CACNA1A: variants seen among roughly 807,000 people sequenced by gnomAD.
The protein encoded by CACNA1A is calcium voltage-gated channel subunit alpha1 A.
In CACNA1A, 57 loss-of-function variants were observed where a neutral mutation model predicts 262.4. The observed-to-expected ratio is 0.22, with a 90% CI of 0.18 to 0.27. The LOEUF (loss-of-function observed/expected upper bound fraction) is 0.27. Ranked by LOEUF, CACNA1A falls within the 10% of genes least tolerant of loss-of-function variation. The pLI, the probability that CACNA1A is intolerant of heterozygous loss-of-function variation, is 1.00. For synonymous variants in CACNA1A, 1,431 were observed against 1,419.3 expected, an observed-to-expected ratio of 1.01 and a Z score of -0.18; for missense variants, 2,526 against 3,562.8, an observed-to-expected ratio of 0.71 and a Z score of 7.41.
intron 1 of CACNA1A, among the ~76,000 whole-genome samples, chr19:13,456,948 G>C (rs998004892): frequency 5.9e-5 from 9 of 151,890 alleles, no homozygotes; most frequent in Admixed American, 5.2e-4. Flanking sequence ...ATGCTGGTGG[G>C]AATATAAAAT....
intron 25 of CACNA1A, chr19:13,262,061 G>A (rs955403322): frequency 3.7e-5 from 6 of 162,132 alleles, no homozygotes; most frequent in African/African-American, 1.2e-4. Flanking sequence ...TTCCATAACA[G>A]TATCTGTTTT....
chr19:13,212,191 C>G lies in CACNA1A; in HGVS notation c.6215G>C (p.Arg2072Thr). ...SQSVEMREMGRDGYSDSEHYL... is the reference protein window; with the variant it reads ...SQSVEMREMGTDGYSDSEHYL... ...GTGCTCGCTGTCGGAGTAGCCATCT[C>G]TGCCCATCTCTCGCATCTCCACGGA... The change falls in exon 43 of 47, where the codon AGA becomes ACA. Residue 2072 changes from arginine (R) to threonine (T), a missense_variant. Around this residue, in one of 17 missense-constraint regions of CACNA1A, gnomAD observed 929 missense variants for 868.1 expected, o/e 1.07. Coordinates refer to ENST00000360228, the MANE Select transcript of CACNA1A (RefSeq NM_001127222.2). This position sits in a 1 kb window ranked among gnomAD's most constrained non-coding sequence, Gnocchi z 5.6. 1 of 1,613,946 alleles carries G rather than the reference C, an allele frequency of 6.2e-7. No individual in the cohort carries two copies. Among genetic ancestry groups the G allele is most frequent in the Non-Finnish European group, 8.5e-7 (1 of 1,179,828 alleles).
intron 19 of CACNA1A, among the ~76,000 whole-genome samples, chr19:13,295,035 C>G (rs750195290): frequency 1.3e-5 from 2 of 152,196 alleles, no homozygotes; most frequent in Non-Finnish European, 2.9e-5. Context: ...ACTCCCTTCT[C>G]AGATTGCTCC....
At chr19:13,229,359 T>C (rs2055585990) in intron 36 of CACNA1A, among the ~76,000 whole-genome samples, 1 of 152,096 alleles carries the variant, frequency 6.6e-6, no homozygotes, top group Non-Finnish European at 1.5e-5. Context: ...CTGAACTAAA[T>C]CCTCAGTTAG....
At chr19:13,465,842 C>T (rs901884763) in intron 1 of CACNA1A, among the ~76,000 whole-genome samples, 2 of 152,118 alleles carry the variant, frequency 1.3e-5, no homozygotes, top group South Asian at 4.2e-4. Flanking sequence ...TATTTCATTC[C>T]TTTTTAAGGC....
chr19:13,350,511 T>A (rs1320655076), intron 6 of CACNA1A, among the ~76,000 whole-genome samples: 1 of 152,214 alleles, frequency 6.6e-6, no homozygotes, highest in Non-Finnish European at 1.5e-5. Flanking sequence ...TTTTCTTCCA[T>A]GATGATTGGA....
intron 31 of CACNA1A, among the ~76,000 whole-genome samples, chr19:13,240,149 T>TAAA (rs60352550): frequency 8.3e-6 from 1 of 119,766 alleles, no homozygotes; most frequent in African/African-American, 3.1e-5. Flanking sequence ...AGACTCTGTC[T>TAAA]AAAAAAAAAA....
chr19:13,346,605 T>G (rs1328504655), intron 6 of CACNA1A, among the ~76,000 whole-genome samples: 1 of 125,762 alleles, frequency 8.0e-6, no homozygotes, highest in Non-Finnish European at 1.6e-5. Flanking sequence ...TTAAGGAAAA[T>G]TTTTAATTGA....
intron 26 of CACNA1A, chr19:13,260,333 T>TACATATATATATATATATA (rs201167508): frequency 1.7e-4 from 8 of 47,864 alleles, no homozygotes; most frequent in Non-Finnish European, 3.7e-4. Context: ...TATATATATA[T>TACATATATATATATATATA]TTTTGTTGTT....
At chr19:13,281,804 G>T (rs981667291) in intron 22 of CACNA1A, among the ~76,000 whole-genome samples, 1 of 152,236 alleles carries the variant, frequency 6.6e-6, no homozygotes, top group Admixed American at 6.5e-5. Context: ...TCGACTGCGA[G>T]ATGGACGAGG....
At chr19:13,254,775 T>G (rs1312161437) in intron 29 of CACNA1A, among the ~76,000 whole-genome samples, 4 of 152,122 alleles carry the variant, frequency 2.6e-5, no homozygotes, top group African/African-American at 9.7e-5. Context: ...TGGGGGACAC[T>G]GTCATGCAAC....
chr19:13,311,872 T>TAAAAAAAAAA (rs2058042986), intron 12 of CACNA1A, among the ~76,000 whole-genome samples: 3 of 116,792 alleles, frequency 2.6e-5, no homozygotes, highest in Admixed American at 8.3e-5. Flanking sequence ...TAAAAAAAAA[T>TAAAAAAAAAA]AAATAAATTA....
chr19:13,408,424 G>A (rs1344133914), intron 3 of CACNA1A, among the ~76,000 whole-genome samples: 4 of 152,150 alleles, frequency 2.6e-5, no homozygotes, highest in Non-Finnish European at 5.9e-5. Context: ...ATAAATGGAG[G>A]AATACTTTGA....
At chr19:13,485,684 G>A (rs1260869053) in intron 1 of CACNA1A, among the ~76,000 whole-genome samples, 3 of 152,170 alleles carry the variant, frequency 2.0e-5, no homozygotes, top group East Asian at 1.9e-4. Context: ...ATCACCATGA[G>A]AAAGGCTATA....
intron 3 of CACNA1A, among the ~76,000 whole-genome samples, chr19:13,415,633 G>C (rs1273556356): frequency 6.6e-6 from 1 of 151,148 alleles, no homozygotes. Flanking sequence ...CCCAGCTACT[G>C]GGGAGGATGA....
At chr19:13,238,285 C>A (rs1403348901) in intron 31 of CACNA1A, among the ~76,000 whole-genome samples, 1 of 152,118 alleles carries the variant, frequency 6.6e-6, no homozygotes, top group Non-Finnish European at 1.5e-5. Flanking sequence ...AACTTCCTGG[C>A]TAGAATGTGA....
At chr19:13,341,528 G>A (rs562336058) in intron 6 of CACNA1A, among the ~76,000 whole-genome samples, 1 of 152,148 alleles carries the variant, frequency 6.6e-6, no homozygotes, top group South Asian at 2.1e-4. Flanking sequence ...CTTTTCCCTC[G>A]CTCATTCGGT....
intron 5 of CACNA1A, among the ~76,000 whole-genome samples, chr19:13,360,734 T>TC (rs1159626864): frequency 2.0e-5 from 3 of 152,080 alleles, no homozygotes; most frequent in Non-Finnish European, 2.9e-5. Flanking sequence ...CGCCTCGGCC[T>TC]CCAAAGTGCT....
intron 3 of CACNA1A, among the ~76,000 whole-genome samples, chr19:13,424,683 C>A (rs911714161): frequency 2.0e-5 from 3 of 152,104 alleles, no homozygotes; most frequent in Admixed American, 6.6e-5. Context: ...CTATGTTTCC[C>A]AGGCTGGTCT....
Sources: gnomAD v4.1 joint callset for allele counts (sites outside exome capture counted in the v4.1 genomes callset) on GRCh38, gnomAD v4.1.1 for gene constraint, gnomAD v4.1.1 regional missense constraint, Gnocchi (gnomAD v3.1) non-coding constraint, MANE v1.5 for transcripts, NCBI Gene and HGNC (gene_info 2026-07-23, HGNC 2026-07-21) for gene names.